The following BMP8A variants were observed in gnomAD, a reference collection of about 807,000 sequenced individuals.
BMP8A encodes BMP-8A.
A neutral mutation model predicts 36.8 loss-of-function variants in BMP8A; 14 were observed. The observed-to-expected ratio is 0.38, with a 90% confidence interval of 0.25 to 0.60. The LOEUF (loss-of-function observed/expected upper bound fraction) is 0.60. Ranked by LOEUF, BMP8A falls within the 20% of genes least tolerant of loss-of-function variation. The pLI is 0.63. For missense variants in BMP8A, 267 were observed against 551.1 expected (o/e 0.48, Z 5.16); for synonymous variants, 120 against 237.7 (o/e 0.50, Z 4.55).
At chr1:39,521,220 TC>T (rs1645426514) in intron 3 of BMP8A, among the ~76,000 whole-genome samples, 155 bp from the exon 4 acceptor site, 1 of 76,184 alleles carries the variant, frequency 1.3e-5, no homozygotes, top group African/African-American at 4.6e-5. Flanking sequence ...GACCAAGGAC[TC>T]CAGGCTTCAG....
Position 39,525,693 on chromosome 1 carries a change from A to G in BMP8A, c.1104A>G (p.Ala368=), listed in dbSNP as rs1211833280. ...KPNAVPKACC[A]PTKLSATSVL... is the part of the protein sequence containing the mutation. The stretch of plus-strand genomic sequence containing the variant: ...ACGCAGTCCCCAAGGCGTGCTGTGC[A>G]CCCACCAAGCTGAGCGCCACCTCTG... The change falls in exon 7 of 7, where the codon GCA becomes GCG. Residue 368 remains alanine, a synonymous_variant. Coordinates refer to ENST00000331593, the MANE Select transcript of BMP8A (RefSeq NM_181809.4). 6.2e-7 allele frequency: 1 copy of G among 1,614,104 alleles called. No homozygotes were observed. Among genetic ancestry groups the G allele is most frequent in the African/African-American group, 1.3e-5 (1 of 75,022 alleles).
chr1:39,495,275 C>T (rs989519933), intron 1 of BMP8A, among the ~76,000 whole-genome samples: 1 of 152,224 alleles, frequency 6.6e-6, no homozygotes, highest in African/African-American at 2.4e-5. Flanking sequence ...GAGGGCGGGG[C>T]TCTCGCTGGC....
chr1:39,506,126 A>G (rs1645299412), intron 1 of BMP8A, among the ~76,000 whole-genome samples: 1 of 152,188 alleles, frequency 6.6e-6, no homozygotes. Flanking sequence ...AATTCTTGAC[A>G]GAAAAAGGAT....
rs1378342877 is a variant in BMP8A at position 39,527,203 on chromosome 1, C to G, written c.*1405C>G. Among the ~76,000 whole-genome samples the G allele has an allele frequency of 6.6e-6, 1 of 152,208 alleles. No individual in the cohort carries two copies. The highest frequency in any genetic ancestry group is 1.5e-5 in the Non-Finnish European group (1 of 68,026). ...GGTCTGTGAGTCAAAGAAAAGGTCCCTGTCCCAGGGAGTGACAGGCAGTAA... is the reference window on the plus strand; with the variant it reads ...GGTCTGTGAGTCAAAGAAAAGGTCCGTGTCCCAGGGAGTGACAGGCAGTAA... On this transcript the variant is annotated 3_prime_UTR_variant, in exon 7 of 7. Coordinates refer to ENST00000331593, the MANE Select transcript of BMP8A (RefSeq NM_181809.4).
rs2124367097 is a variant in BMP8A at position 39,514,898 on chromosome 1, G to A, written c.673+2994G>A. 3.5e-6 allele frequency: 5 copies of A among 1,419,994 alleles called. No homozygotes were observed. In the South Asian group the frequency reaches 7.7e-5, roughly 22 times the overall value. The allele number at this position is 1,419,994 out of a possible 1,614,324, so 88.0% of individuals were successfully genotyped here. ...GCGCCCGCCCTGCTCTGTGACGCGC[G>A]GCCCGAGGCGCACGCAGGGCTCACA... On this transcript the variant is annotated intron_variant, in intron 3 of 6. Coordinates refer to ENST00000331593, the MANE Select transcript of BMP8A (RefSeq NM_181809.4).
intron 3 of BMP8A, among the ~76,000 whole-genome samples, chr1:39,519,619 G>T (rs1291188698): frequency 3.3e-5 from 5 of 150,014 alleles, no homozygotes; most frequent in Admixed American, 6.7e-5. Flanking sequence ...TTCACTGGTT[G>T]TTCAGTCAAG....
At position 39,492,009 on chromosome 1, in the gene BMP8A, A is replaced by C. The variant is rs1873328; in HGVS notation, c.18A>C (p.Gly6=). The part of the protein sequence containing the change: MAARP[G]PLWLLGLTLC... ...GGCCCGCCATGGCCGCGCGCCCCGG[A>C]CCGCTCTGGCTTCTGGGCCTGACGT... The change falls in exon 1 of 7, where the codon GGA becomes GGC. Residue 6 remains glycine (G), a synonymous_variant. Transcript: ENST00000331593. 1.6e-5 allele frequency: 17 copies of C among 1,087,870 alleles called. No individual in the cohort carries two copies. Among genetic ancestry groups the C allele is most frequent in the Middle Eastern group, 4.1e-4 (1 of 2,464 alleles). 67.4% of individuals were successfully genotyped at this position (1,087,870 alleles called of 1,614,324 possible). A position where few individuals can be genotyped will look rare whatever the true frequency, so the allele number is the denominator to read the frequency against.
chr1:39,507,044 C>T (rs1408392885), intron 1 of BMP8A, among the ~76,000 whole-genome samples: 1 of 152,158 alleles, frequency 6.6e-6, no homozygotes, highest in African/African-American at 2.4e-5. Context: ...TTATGGGACC[C>T]TCAAAAATAG....
At chr1:39,518,843 A>G (rs1570310017) in intron 3 of BMP8A, among the ~76,000 whole-genome samples, 1 of 147,012 alleles carries the variant, frequency 6.8e-6, no homozygotes, top group East Asian at 2.0e-4. Flanking sequence ...GTTTGCTGGA[A>G]AAGTATATGA....
Position 39,525,786 on chromosome 1 carries a change from C to T in BMP8A, c.1197C>T (p.Cys399=), listed in dbSNP as rs748909999. 57 of 1,613,934 alleles carry T rather than the reference C, an allele frequency of 3.5e-5. No individual in the cohort carries two copies. The highest frequency in any genetic ancestry group is 8.8e-5 in the South Asian group (8 of 91,092). ...RKHRNMVVKA[C]GCH ...ACCGCAACATGGTGGTCAAGGCCTGCGGCTGCCACTGAGTCAGCCCGCCCA... is the reference window on the plus strand; with the variant it reads ...ACCGCAACATGGTGGTCAAGGCCTGTGGCTGCCACTGAGTCAGCCCGCCCA... Residue 399 remains cysteine (C), a synonymous_variant, in exon 7 of 7, where the codon TGC becomes TGT. Coordinates refer to ENST00000331593, the MANE Select transcript of BMP8A (RefSeq NM_181809.4).
At position 39,528,096 on chromosome 1, in the gene BMP8A, T is replaced by C. The variant is rs1645501912; in HGVS notation, c.*2298T>C. ...GCATGGTTTGGGTGTGCTAGGAGTT[T>C]GTGAAATGAATGTTTTCAAGACGCA... On this transcript the variant is annotated 3_prime_UTR_variant, in exon 7 of 7. Coordinates refer to ENST00000331593, the MANE Select transcript of BMP8A (RefSeq NM_181809.4). Among the ~76,000 whole-genome samples the C allele has an allele frequency of 2.0e-5, 3 of 152,196 alleles. No individual in the cohort carries two copies. Among genetic ancestry groups the C allele is most frequent in the Admixed American group, 1.3e-4 (2 of 15,280 alleles).
rs1419706740 is a variant in BMP8A at position 39,529,027 on chromosome 1, C to T, written c.*3229C>T. On this transcript the variant is annotated 3_prime_UTR_variant, in exon 7 of 7. Transcript: ENST00000331593. ...CGTGAGCCACTTACCCGGCCTCTGC[C>T]TCTTGTTAATTTGACCACATCATGT... 6.6e-6 allele frequency: 1 copy of T among 152,274 alleles called. No individual in the cohort carries two copies. The highest frequency in any genetic ancestry group is 1.5e-5 in the Non-Finnish European group (1 of 68,094). 9.4% of individuals were successfully genotyped at this position (152,274 alleles called of 1,614,324 possible).
Position 39,529,865 on chromosome 1 carries a change from C to T in BMP8A, c.*4067C>T, listed in dbSNP as rs1209195212. Among the ~76,000 whole-genome samples, 1 of 152,172 alleles carries T rather than the reference C, an allele frequency of 6.6e-6. No individual in the cohort carries two copies. The highest frequency in any genetic ancestry group is 1.5e-5 in the Non-Finnish European group (1 of 68,016). On this transcript the variant is annotated 3_prime_UTR_variant, in exon 7 of 7. Transcript: ENST00000331593. ...TCTGTGATTAAATGTTCTTTGAAAA[C>T]ATAACTTTTAGCAGCCTTCCATCCC...
chr1:39,500,430 G>C (rs1221875914), intron 1 of BMP8A, among the ~76,000 whole-genome samples: 1 of 152,198 alleles, frequency 6.6e-6, no homozygotes, highest in African/African-American at 2.4e-5. Flanking sequence ...GGGTGCTGCT[G>C]AACATCCTGC....
chr1:39,491,879 C>A lies in BMP8A; in HGVS notation c.-113C>A. 2 of 934,724 alleles carry A rather than the reference C, an allele frequency of 2.1e-6. No individual in the cohort carries two copies. The highest frequency in any genetic ancestry group is 5.1e-4 in the Middle Eastern group (1 of 1,956). 57.9% of individuals were successfully genotyped at this position (934,724 alleles called of 1,614,324 possible). ...CGCTGAGGCCGCAGACGCCGCCCGC[C>A]GAGCCCCGCCCCCTGCTCGCCGAAC... On this transcript the variant is annotated 5_prime_UTR_variant, in exon 1 of 7. Coordinates refer to ENST00000331593, the MANE Select transcript of BMP8A (RefSeq NM_181809.4).
At chr1:39,493,145 C>T (rs1645175826) in intron 1 of BMP8A, among the ~76,000 whole-genome samples, 1 of 152,250 alleles carries the variant, frequency 6.6e-6, no homozygotes, top group Non-Finnish European at 1.5e-5. Flanking sequence ...TGCCTCCTGT[C>T]TGTGGCTAGT....
At chr1:39,503,031 G>C (rs898635800) in intron 1 of BMP8A, among the ~76,000 whole-genome samples, 2 of 152,156 alleles carry the variant, frequency 1.3e-5, no homozygotes, top group African/African-American at 4.8e-5. Context: ...GGGCAACAGA[G>C]CAAGACTCTG....
chr1:39,509,233 C>CA (rs1645329535), intron 1 of BMP8A, among the ~76,000 whole-genome samples: 1 of 152,214 alleles, frequency 6.6e-6, no homozygotes, highest in African/African-American at 2.4e-5. Context: ...ATCACTGTCG[C>CA]ATGCCCTGTG....
Position 39,491,913 on chromosome 1 carries a change from C to G in BMP8A, c.-79C>G. On this transcript the variant is annotated 5_prime_UTR_variant, in exon 1 of 7. Transcript: ENST00000331593. ...CCCCCTGCTCGCCGAACTCAGCTCC[C>G]CGTTCGCCGTCGGGGCGTCCCCGGG... is the stretch of plus-strand genomic sequence containing the variant. The G allele has an allele frequency of 5.8e-6, 6 of 1,033,316 alleles. No individual in the cohort carries two copies. Among genetic ancestry groups the G allele is most frequent in the African/African-American group, 1.7e-5 (1 of 58,244 alleles). 64.0% of individuals were successfully genotyped at this position (1,033,316 alleles called of 1,614,324 possible).
Sources: allele counts gnomAD v4.1 joint callset (sites outside exome capture counted in the v4.1 genomes callset), GRCh38; gene constraint gnomAD v4.1.1; transcripts MANE v1.5; gene names NCBI Gene and HGNC (gene_info 2026-07-23, HGNC 2026-07-21).